FAAH2: variants seen among roughly 807,000 people sequenced by gnomAD.
The protein encoded by FAAH2 is fatty acid amide hydrolase 2.
FAAH2 carries 60 observed loss-of-function variants against 36.9 expected under a neutral mutation model. The observed-to-expected ratio is 1.63, with a 90% CI of 1.32 to 2.02. The LOEUF (loss-of-function observed/expected upper bound fraction) is 2.02. FAAH2 is among the 30% of genes most tolerant of loss of function. The pLI is 0.00. For missense variants in FAAH2, 689 were observed against 397.5 expected (o/e 1.73, Z -6.23); for synonymous variants, 214 against 143.8 (o/e 1.49, Z -3.49).
the FAAH2 span, among the ~76,000 whole-genome samples, chrX:57,174,990 TG>T: frequency 8.9e-6 from 1 of 112,190 alleles, no homozygotes; most frequent in East Asian, 2.8e-4. Context: ...GCTTGTTTTC[TG>T]GGCTATCATA....
intron 5 of FAAH2, among the ~76,000 whole-genome samples, chrX:57,346,784 C>T (rs2053833253): frequency 9.0e-6 from 1 of 111,615 alleles, no homozygotes; most frequent in Non-Finnish European, 1.9e-5. Flanking sequence ...GGTGGTAACA[C>T]ACTTCATCTG....
chrX:57,376,409 C>T (rs923362802), intron 5 of FAAH2, among the ~76,000 whole-genome samples: 4 of 110,862 alleles, frequency 3.6e-5, no homozygotes, highest in Non-Finnish European at 7.6e-5. Context: ...TGACAGGCCC[C>T]CAGTGTGTGA....
At chrX:57,424,886 A>G (rs894173915) in intron 7 of FAAH2, among the ~76,000 whole-genome samples, 2 of 112,017 alleles carry the variant, frequency 1.8e-5, no homozygotes, top group African/African-American at 3.2e-5. Context: ...TCCTAATCAA[A>G]ATGAAATTTT....
At chrX:57,352,920 G>T (rs1228518002) in intron 5 of FAAH2, among the ~76,000 whole-genome samples, 2 of 110,151 alleles carry the variant, frequency 1.8e-5, no homozygotes, top group Non-Finnish European at 3.8e-5. Flanking sequence ...TTACTACAAA[G>T]AAAACTACAA....
At chrX:57,167,057 T>G in the FAAH2 span, among the ~76,000 whole-genome samples, 2 of 111,671 alleles carry the variant, frequency 1.8e-5, no homozygotes, top group Non-Finnish European at 3.8e-5. Context: ...GCTATATAGA[T>G]CTCTGATGCC....
chrX:57,395,489 C>T, intron 7 of FAAH2: 1 of 420,308 alleles, frequency 2.4e-6, no homozygotes. Context: ...TAACCTTATC[C>T]TCATTCAGTA....
the FAAH2 span, among the ~76,000 whole-genome samples, chrX:57,209,374 G>A: frequency 9.0e-6 from 1 of 111,665 alleles, no homozygotes; most frequent in Non-Finnish European, 1.9e-5. Context: ...TCAGGTCAAA[G>A]GGCTCTTTAG....
the FAAH2 span, among the ~76,000 whole-genome samples, chrX:57,176,495 A>AT: frequency 2.5e-5 from 2 of 80,290 alleles, no homozygotes; most frequent in East Asian, 6.9e-4. Flanking sequence ...TGTTTCAATA[A>AT]TTTTTTTATG....
intron 8 of FAAH2, among the ~76,000 whole-genome samples, chrX:57,432,303 T>C (rs761116797): frequency 4.5e-5 from 5 of 111,280 alleles, no homozygotes; most frequent in East Asian, 2.8e-4. Flanking sequence ...TCTTGAATGA[T>C]TTGGAAACCT....
the FAAH2 span, among the ~76,000 whole-genome samples, chrX:57,199,111 C>T: frequency 1.8e-5 from 2 of 111,014 alleles, no homozygotes; most frequent in East Asian, 2.8e-4. Flanking sequence ...ACAAGTTACT[C>T]CTGCCTCTTG....
Position 57,315,083 on chromosome X carries a change from A to G in FAAH2, c.412+4354A>G, listed in dbSNP as rs185079917. Among the ~76,000 whole-genome samples the G allele has an allele frequency of 6.3e-3, 698 of 111,662 alleles. 6 individuals carry two copies. Among genetic ancestry groups the G allele is most frequent in the Middle Eastern group, 9.3e-3 (2 of 216 alleles). Reference sequence around the variant, plus strand: ...AGTACAATCAGAAATGACAAACATAACATTACAACTTATTTCATGGAAATA... The same window carrying G: ...AGTACAATCAGAAATGACAAACATAGCATTACAACTTATTTCATGGAAATA... On this transcript the variant is annotated intron_variant, in intron 3 of 10. Coordinates refer to ENST00000374900, the MANE Select transcript of FAAH2 (RefSeq NM_174912.4).
At chrX:57,130,539 T>C in the FAAH2 span, among the ~76,000 whole-genome samples, 2 of 112,403 alleles carry the variant, frequency 1.8e-5, no homozygotes, top group Non-Finnish European at 3.8e-5. Flanking sequence ...AGGAGGTCTG[T>C]CATATTTTAT....
chrX:57,472,785 C>T (rs1157495995), intron 10 of FAAH2, among the ~76,000 whole-genome samples: 1 of 110,993 alleles, frequency 9.0e-6, no homozygotes, highest in Non-Finnish European at 1.9e-5. Context: ...TATCAATTTT[C>T]TCTAGATTTT....
At chrX:57,396,257 A>T (rs1420260012) in intron 7 of FAAH2, among the ~76,000 whole-genome samples, 2 of 110,170 alleles carry the variant, frequency 1.8e-5, no homozygotes, top group Admixed American at 1.9e-4. Context: ...AATTTTGTCT[A>T]TCCTTTCAAA....
At chrX:57,227,757 G>A in the FAAH2 span, among the ~76,000 whole-genome samples, 2 of 111,785 alleles carry the variant, frequency 1.8e-5, no homozygotes, top group Non-Finnish European at 3.8e-5. Context: ...GGGTAGGGAA[G>A]GACCATTGGG....
At chrX:57,202,515 C>G in the FAAH2 span, among the ~76,000 whole-genome samples, 1 of 111,878 alleles carries the variant, frequency 8.9e-6, no homozygotes, top group Non-Finnish European at 1.9e-5. Flanking sequence ...TTTTAGCCAC[C>G]TGGAACTTGG....
chrX:57,137,020 C>T, the FAAH2 span: 1 of 841,190 alleles, frequency 1.2e-6, no homozygotes, highest in Non-Finnish European at 1.5e-6. Context: ...TTCCCTGTTA[C>T]CTACCTCCCT....
intron 7 of FAAH2, among the ~76,000 whole-genome samples, chrX:57,383,513 C>A (rs2054917048): frequency 8.9e-6 from 1 of 111,835 alleles, no homozygotes; most frequent in Non-Finnish European, 1.9e-5. Context: ...AAATCACAAG[C>A]ATTCTTATAC....
chrX:57,414,290 G>C (rs1335362185), intron 7 of FAAH2, among the ~76,000 whole-genome samples: 1 of 112,066 alleles, frequency 8.9e-6, no homozygotes, highest in Non-Finnish European at 1.9e-5. Flanking sequence ...TCTTGTGCCA[G>C]TTTTCAAATA....
Sources: gnomAD v4.1 joint callset for allele counts (sites outside exome capture counted in the v4.1 genomes callset) on GRCh38, gnomAD v4.1.1 for gene constraint, MANE v1.5 for transcripts, NCBI Gene and HGNC (gene_info 2026-07-23, HGNC 2026-07-21) for gene names.